MTO1: variants seen among roughly 807,000 people sequenced by gnomAD.
The protein encoded by MTO1 is mitochondrial tRNA translation optimization 1.
Under a neutral mutation model 71.6 loss-of-function variants are expected in MTO1, and 46 were observed. That is an observed-to-expected ratio of 0.64 (90% CI 0.51 to 0.82). The LOEUF is 0.82. Ranked by LOEUF, MTO1 falls within the 40% of genes least tolerant of loss-of-function variation. The pLI, the probability that MTO1 is intolerant of heterozygous loss-of-function variation, is 0.00. For missense variants in MTO1, 773 were observed against 867.5 expected (o/e 0.89, Z 1.37); for synonymous variants, 297 against 312.1 (o/e 0.95, Z 0.51).
At chr6:73,493,455 A>G (rs980062689) in intron 10 of MTO1, among the ~76,000 whole-genome samples, 2 of 149,946 alleles carry the variant, frequency 1.3e-5, no homozygotes, top group Admixed American at 6.7e-5. Flanking sequence ...CAATGGTGCA[A>G]TCTTGGCTCA....
intron 3 of MTO1, among the ~76,000 whole-genome samples, chr6:73,467,336 T>G (rs1771028341): frequency 6.7e-6 from 1 of 149,926 alleles, no homozygotes; most frequent in South Asian, 2.1e-4. Context: ...AAAATAAGTT[T>G]GGGTGTAGTG....
rs752221061 is a variant in MTO1 at position 73,482,043 on chromosome 6, G to A, written c.1264G>A (p.Val422Met). 2 of 1,614,136 alleles carry A rather than the reference G, an allele frequency of 1.2e-6. No homozygotes were observed. The highest frequency in any genetic ancestry group is 2.2e-5 in the East Asian group (1 of 44,888). Residue 422 changes from valine (V) to methionine (M), a missense_variant, in exon 8 of 12, where the codon GTG becomes ATG. By Grantham distance (21) the Val-to-Met change is conservative (BLOSUM62 1). Coordinates refer to ENST00000498286, the MANE Select transcript of MTO1 (RefSeq NM_012123.4). The part of the protein sequence containing the change: ...TGYEEAAAQG[V>M]IAGINASLRV... ...AAACATTTCAGTGCTCTTGTAGGGT[G>A]TGATAGCCGGAATCAACGCCAGTCT...
intron 1 of MTO1, among the ~76,000 whole-genome samples, chr6:73,465,860 T>A (rs527720146): frequency 1.3e-5 from 2 of 152,168 alleles, no homozygotes; most frequent in Admixed American, 1.3e-4. Context: ...GCCGGACACC[T>A]GTAATCCCGG....
chr6:73,485,369 C>G (rs184827421), intron 9 of MTO1, among the ~76,000 whole-genome samples: 311 of 152,004 alleles, frequency 2.0e-3, no homozygotes, highest in Non-Finnish European at 3.7e-3. Flanking sequence ...GGCATATTTC[C>G]CTTCAGGAGG....
At position 73,482,215 on chromosome 6, in the gene MTO1, A is replaced by T. The variant is rs755467679; in HGVS notation, c.1436A>T (p.Asp479Val). The T allele has an allele frequency of 6.2e-7, 1 of 1,614,024 alleles. No individual in the cohort carries two copies. Residue 479 changes from aspartate to valine, a missense_variant, in exon 8 of 12, where the codon GAT (aspartate) becomes GTT (valine). By Grantham distance (152) the Asp-to-Val change is radical. Transcript: ENST00000498286. The stretch of plus-strand genomic sequence containing the variant: ...GAGTTCCGTTTGTCACTGCGCCCTG[A>T]TAATGCTGACAGCCGGCTCACACTG... ...RVEFRLSLRP[D>V]NADSRLTLRG...
intron 3 of MTO1, 46 bp from the exon 4 acceptor site, chr6:73,473,315 AATAC>A (rs2150031298): frequency 1.3e-6 from 2 of 1,494,658 alleles, no homozygotes; most frequent in Non-Finnish European, 1.8e-6. Flanking sequence ...TAGATACATA[AATAC>A]ATAGATACAT....
intron 3 of MTO1, among the ~76,000 whole-genome samples, chr6:73,468,983 G>T (rs1456403118): frequency 1.3e-5 from 2 of 151,612 alleles, no homozygotes; most frequent in African/African-American, 4.8e-5. Flanking sequence ...TAAGTATCTA[G>T]CGAACTTTGG....
At chr6:73,482,713 T>C in intron 9 of MTO1, 93 bp downstream of exon 9, 1 of 979,876 alleles carries the variant, frequency 1.0e-6, no homozygotes, top group South Asian at 2.0e-5. Flanking sequence ...TGTTCCTACC[T>C]ACACATTTCA....
intron 4 of MTO1, among the ~76,000 whole-genome samples, chr6:73,478,000 C>T (rs534714453): frequency 2.0e-5 from 3 of 152,094 alleles, no homozygotes; most frequent in African/African-American, 7.2e-5. Context: ...CCTGTAATCC[C>T]AGCACTTTGG....
chr6:73,484,223 T>A (rs912384889), intron 9 of MTO1, among the ~76,000 whole-genome samples: 2 of 152,192 alleles, frequency 1.3e-5, no homozygotes, highest in African/African-American at 4.8e-5. Flanking sequence ...GACAGCCTTA[T>A]TCACAAATAA....
Position 73,497,895 on chromosome 6 carries a change from C to T in MTO1, c.1916C>T (p.Thr639Met), listed in dbSNP as rs772113849. ...AAACTACATTTTAGTCGTCCACAGA[C>T]GGTAAGAAAATAGGCAGGAGAATAG... ...REKLHFSRPQ[T>M]IGAASRIPGV... The change falls in exon 11 of 12, where the codon ACG becomes ATG. Residue 639 changes from threonine to methionine, a missense_variant and splice_region_variant. Physicochemically the swap from Thr to Met is moderately conservative, Grantham distance 81 (BLOSUM62 -1). Transcript: ENST00000498286. The T allele has an allele frequency of 6.2e-6, 10 of 1,605,106 alleles. No homozygotes were observed. The highest frequency in any genetic ancestry group is 4.5e-5 in the East Asian group (2 of 44,692).
chr6:73,469,649 A>G (rs1004984356), intron 3 of MTO1, among the ~76,000 whole-genome samples: 36 of 26,838 alleles, frequency 1.3e-3, no homozygotes, highest in African/African-American at 3.1e-3. Flanking sequence ...GCGCTAAAAC[A>G]CTTAACTGGA....
intron 3 of MTO1, 142 bp downstream of exon 3, chr6:73,466,748 A>G: frequency 1.5e-6 from 1 of 666,338 alleles, no homozygotes; most frequent in South Asian, 2.0e-5. Context: ...AAAACTATAT[A>G]AATAAATATG....
chr6:73,487,808 G>T (rs1245333528), intron 9 of MTO1: 1 of 150,924 alleles, frequency 6.6e-6, no homozygotes, highest in Non-Finnish European at 1.5e-5. Flanking sequence ...AGAACTCCTG[G>T]GCTCAAGCGA....
At chr6:73,473,304 A>G (rs1644247830) in intron 3 of MTO1, 61 bp from the exon 4 acceptor site, 2 of 1,449,270 alleles carry the variant, frequency 1.4e-6, no homozygotes, top group Admixed American at 4.3e-5. Flanking sequence ...AGATAGATAC[A>G]TAGATACATA....
chr6:73,479,825 G>T lies in MTO1; in HGVS notation c.919G>T (p.Glu307Ter). The T allele has an allele frequency of 6.2e-7, 1 of 1,612,774 alleles. No homozygotes were observed. Among genetic ancestry groups the T allele is most frequent in the Non-Finnish European group, 8.5e-7 (1 of 1,178,992 alleles). ...KNLHLNSHVK[E>*]TTRGPRYCPS... ...CCTTCACCTTAATAGTCATGTTAAA[G>T]AAACGACAAGAGGACCTCGGTAAGG... Residue 307 changes from glutamate to a stop codon, truncating the protein, a stop_gained, in exon 5 of 12, where the codon GAA (glutamate) becomes TAA (stop). Coordinates refer to ENST00000498286, the MANE Select transcript of MTO1 (RefSeq NM_012123.4). LOFTEE classifies it high-confidence loss of function.
intron 9 of MTO1, among the ~76,000 whole-genome samples, chr6:73,485,049 A>C (rs77889907): frequency 6.7e-6 from 1 of 149,988 alleles, no homozygotes. Context: ...TCTGTATCAA[A>C]AAAAAAAAAA....
chr6:73,477,393 CAAAAAA>C (rs34672070), intron 4 of MTO1, among the ~76,000 whole-genome samples: 1 of 73,202 alleles, frequency 1.4e-5, no homozygotes, highest in African/African-American at 5.3e-5. Flanking sequence ...GACTATGTCT[CAAAAAA>C]AAAAAAAAAA....
intron 4 of MTO1, among the ~76,000 whole-genome samples, chr6:73,479,352 G>A (rs1384731331): frequency 6.6e-6 from 1 of 151,740 alleles, no homozygotes; most frequent in African/African-American, 2.4e-5. Flanking sequence ...AAAATTAGCC[G>A]AACGTAGTGG....
Sources: gnomAD v4.1 joint callset for allele counts (sites outside exome capture counted in the v4.1 genomes callset) on GRCh38, gnomAD v4.1.1 for gene constraint, MANE v1.5 for transcripts, NCBI Gene and HGNC (gene_info 2026-07-23, HGNC 2026-07-21) for gene names.